The following CTCF variants were observed in gnomAD, a reference collection of about 807,000 sequenced individuals.
The protein encoded by CTCF is CCCTC-binding factor, also known as transcriptional repressor CTCF.
A neutral mutation model predicts 72.3 loss-of-function variants in CTCF; 7 were observed. The observed-to-expected ratio is 0.10, with a 90% CI of 0.06 to 0.18. The LOEUF is 0.18. Ranked by LOEUF, CTCF falls within the 10% of genes least tolerant of loss-of-function variation. CTCF has a pLI of 1.00. For synonymous variants in CTCF, 374 were observed against 315.8 expected, an observed-to-expected ratio of 1.18 and a Z score of -1.95; for missense variants, 516 against 949.1, an observed-to-expected ratio of 0.54 and a Z score of 6.00.
intron 10 of CTCF, among the ~76,000 whole-genome samples, chr16:67,633,635 T>C (rs1357858257): frequency 1.3e-5 from 2 of 152,132 alleles, no homozygotes; most frequent in East Asian, 3.8e-4. Flanking sequence ...CCAGGCGTGA[T>C]GGATGAAGCC....
intron 10 of CTCF, among the ~76,000 whole-genome samples, chr16:67,632,358 C>T (rs1451387333): frequency 6.6e-6 from 1 of 152,178 alleles, no homozygotes; most frequent in Non-Finnish European, 1.5e-5. Context: ...TTATTGATAG[C>T]TTCTGATAGA....
At chr16:67,611,758 G>GT (rs2052065718) in intron 3 of CTCF, 145 bp downstream of exon 3, 2 of 1,014,472 alleles carry the variant, frequency 2.0e-6, no homozygotes, top group South Asian at 1.6e-5. Context: ...TCTAAAATAA[G>GT]TTTTTTCCAG....
chr16:67,625,371 G>A (rs2052269516), intron 7 of CTCF, among the ~76,000 whole-genome samples: 1 of 151,906 alleles, frequency 6.6e-6, no homozygotes, highest in African/African-American at 2.4e-5. Flanking sequence ...GCTAATTTTT[G>A]TACTTTTTAG....
At chr16:67,620,326 G>A (rs984511821) in intron 5 of CTCF, among the ~76,000 whole-genome samples, 4 of 151,930 alleles carry the variant, frequency 2.6e-5, no homozygotes, top group Admixed American at 6.6e-5. Flanking sequence ...TCAGCCTTCC[G>A]AGTAGCTGGG....
intron 11 of CTCF, among the ~76,000 whole-genome samples, 197 bp from the exon 12 acceptor site, chr16:67,637,491 C>G (rs2052446680): frequency 6.6e-6 from 1 of 152,096 alleles, no homozygotes; most frequent in Non-Finnish European, 1.5e-5. Context: ...GAGATCATGC[C>G]CGTGCACTCC....
intron 10 of CTCF, among the ~76,000 whole-genome samples, chr16:67,631,150 G>GTGTT (rs2052356545): frequency 7.5e-6 from 1 of 132,534 alleles, no homozygotes; most frequent in African/African-American, 3.2e-5. Flanking sequence ...TTTGTTCTTT[G>GTGTT]TTTGTTTTTT....
intron 5 of CTCF, among the ~76,000 whole-genome samples, chr16:67,619,467 A>G (rs2052174314): frequency 1.3e-5 from 2 of 152,198 alleles, no homozygotes; most frequent in African/African-American, 2.4e-5. Context: ...AGAGACATTT[A>G]TGAGTACAGT....
chr16:67,605,304 C>T (rs1275336154), intron 2 of CTCF, among the ~76,000 whole-genome samples: 5 of 152,162 alleles, frequency 3.3e-5, no homozygotes, highest in Non-Finnish European at 7.4e-5. Flanking sequence ...AATACTAGCA[C>T]TTTGCTCATT....
chr16:67,595,711 A>G (rs577217185), intron 2 of CTCF, among the ~76,000 whole-genome samples: 2 of 152,298 alleles, frequency 1.3e-5, no homozygotes, highest in South Asian at 4.1e-4. Context: ...CCCAGGTCAC[A>G]ATGCTAATTA....
intron 1 of CTCF, among the ~76,000 whole-genome samples, chr16:67,569,222 C>T (rs141861117): frequency 5.9e-5 from 9 of 151,334 alleles, no homozygotes; most frequent in Non-Finnish European, 1.0e-4. Context: ...GAGTCTCACT[C>T]TGTCGCCAGG....
At chr16:67,588,760 C>T (rs1031178947) in intron 2 of CTCF, among the ~76,000 whole-genome samples, 1 of 152,148 alleles carries the variant, frequency 6.6e-6, no homozygotes, top group Non-Finnish European at 1.5e-5. Context: ...GAACTCAGCT[C>T]ACTGCAACCT....
chr16:67,603,741 C>T (rs868008339), intron 2 of CTCF, among the ~76,000 whole-genome samples: 2 of 150,968 alleles, frequency 1.3e-5, no homozygotes, highest in Middle Eastern at 3.4e-3. Flanking sequence ...AGGAGAATGG[C>T]GTTAACCCAG....
chr16:67,597,184 A>T (rs138536272), intron 2 of CTCF, among the ~76,000 whole-genome samples: 1 of 151,954 alleles, frequency 6.6e-6, no homozygotes, highest in African/African-American at 2.4e-5. Context: ...CCAGGCGCAC[A>T]CCACCATGCC....
At chr16:67,601,219 T>G (rs1256321924) in intron 2 of CTCF, among the ~76,000 whole-genome samples, 33 of 12,748 alleles carry the variant, frequency 2.6e-3, no homozygotes, top group Middle Eastern at 0.05. Flanking sequence ...CACTAAGGGG[T>G]GTGTGTGTGT....
chr16:67,604,730 G>GTT (rs533827293), intron 2 of CTCF, among the ~76,000 whole-genome samples: 107 of 123,628 alleles, frequency 8.7e-4, no homozygotes, highest in African/African-American at 3.3e-3. Flanking sequence ...TTTCACCAGG[G>GTT]TTTTTTTTTT....
At chr16:67,604,738 T>TG (rs903606272) in intron 2 of CTCF, among the ~76,000 whole-genome samples, 4 of 135,918 alleles carry the variant, frequency 2.9e-5, no homozygotes, top group African/African-American at 1.2e-4. Flanking sequence ...GGGTTTTTTT[T>TG]TTTTTTGTTT....
chr16:67,622,962 C>G (rs928779835), intron 7 of CTCF, among the ~76,000 whole-genome samples: 19 of 150,040 alleles, frequency 1.3e-4, no homozygotes, highest in African/African-American at 3.7e-4. Context: ...GCGCCCAGCC[C>G]TCACTTGCTT....
At position 67,631,691 on chromosome 16, in the gene CTCF, C is replaced by CCT. The variant is rs1491293908; in HGVS notation, c.1837+2158_1837+2159insCT. ...ACAAGGTCCCCCCCACCCCCCCCCC[C>CCT]TTTTTTTTTTCCTTTTTTTAAATGG... is the stretch of plus-strand genomic sequence containing the variant. On this transcript the variant is annotated intron_variant, in intron 10 of 11. Coordinates refer to ENST00000264010, the MANE Select transcript of CTCF (RefSeq NM_006565.4). Among the ~76,000 whole-genome samples the CCT allele has an allele frequency of 2.2e-4, 20 of 90,940 alleles. 1 individual carries two copies. In the East Asian group the frequency reaches 2.8e-3, roughly 13 times the overall value. 59.7% of individuals were successfully genotyped at this position (90,940 alleles called of 152,430 possible).
At chr16:67,565,721 G>GGAT in intron 1 of CTCF, among the ~76,000 whole-genome samples, 1 of 151,566 alleles carries the variant, frequency 6.6e-6, no homozygotes, top group South Asian at 2.1e-4. Context: ...TAACTTTATC[G>GGAT]GGATCCATTC....
Sources: gnomAD v4.1 joint callset for allele counts (sites outside exome capture counted in the v4.1 genomes callset) on GRCh38, gnomAD v4.1.1 for gene constraint, MANE v1.5 for transcripts, NCBI Gene and HGNC (gene_info 2026-07-23, HGNC 2026-07-21) for gene names.